Variants in WDR27 observed in about 807,000 individuals in gnomAD.
WDR27 encodes WD repeat-containing protein 27.
In WDR27, 100 loss-of-function variants were observed where a neutral mutation model predicts 114.4. That is an observed-to-expected ratio of 0.87 (90% CI 0.74 to 1.03). WDR27 has a LOEUF of 1.03. Ranked by LOEUF, WDR27 falls within the 50% of genes least tolerant of loss-of-function variation. The probability of loss-of-function intolerance (pLI) is 0.00; values close to 1 mark genes in which losing one functional copy is unlikely to be tolerated. For missense variants in WDR27, 1,129 were observed against 1,092.9 expected, an observed-to-expected ratio of 1.03 and a Z score of -0.47; for synonymous variants, 449 against 423.1, an observed-to-expected ratio of 1.06 and a Z score of -0.75.
chr6:169,497,820 C>T (rs2115464567), intron 25 of WDR27, among the ~76,000 whole-genome samples: 1 of 152,198 alleles, frequency 6.6e-6, no homozygotes, highest in South Asian at 2.1e-4. Context: ...AATGGTACAG[C>T]TGCTGTGGAA....
intron 1 of WDR27, among the ~76,000 whole-genome samples, chr6:169,695,827 A>G (rs1447997473): frequency 2.6e-5 from 4 of 152,114 alleles, no homozygotes; most frequent in Non-Finnish European, 5.9e-5. Context: ...TTCCTTAACT[A>G]AGCTAGAGAG....
chr6:169,689,181 T>C (rs1232128791), intron 1 of WDR27, 169 bp from the exon 2 acceptor site: 3 of 481,724 alleles, frequency 6.2e-6, no homozygotes, highest in African/African-American at 4.0e-5. Flanking sequence ...TGCCGAAAAC[T>C]CTGGAGCTTC....
chr6:169,502,307 G>A (rs373477555), intron 25 of WDR27, among the ~76,000 whole-genome samples: 2 of 152,328 alleles, frequency 1.3e-5, no homozygotes, highest in South Asian at 2.1e-4. Context: ...GCGTCCCTCT[G>A]AAAGATTCCC....
At chr6:169,661,846 G>A (rs1285258138) in intron 9 of WDR27, among the ~76,000 whole-genome samples, 1 of 152,230 alleles carries the variant, frequency 6.6e-6, no homozygotes, top group African/African-American at 2.4e-5. Context: ...AAACATAATT[G>A]TAATATATTC....
At chr6:169,646,930 A>C (rs1400552978) in intron 16 of WDR27, among the ~76,000 whole-genome samples, 1 of 152,188 alleles carries the variant, frequency 6.6e-6, no homozygotes, top group Non-Finnish European at 1.5e-5. Context: ...TTATATAATA[A>C]AATAAAGGGA....
intron 3 of WDR27, 58 bp from the exon 4 acceptor site, chr6:169,670,751 T>C (rs754676075): frequency 3.6e-5 from 58 of 1,596,372 alleles, no homozygotes; most frequent in Non-Finnish European, 4.8e-5. Flanking sequence ...ATTACATTAA[T>C]CTGAGAAAAG....
chr6:169,498,496 G>T (rs1562496261), intron 25 of WDR27, among the ~76,000 whole-genome samples: 2 of 152,142 alleles, frequency 1.3e-5, no homozygotes, highest in Non-Finnish European at 2.9e-5. Flanking sequence ...ATAGATCAGG[G>T]ACTTAAATGT....
chr6:169,501,198 A>C (rs1791178866), intron 25 of WDR27, among the ~76,000 whole-genome samples: 2 of 152,204 alleles, frequency 1.3e-5, no homozygotes, highest in South Asian at 4.1e-4. Flanking sequence ...AAGTTTCCCA[A>C]GTGGGCTGGA....
chr6:169,576,300 T>C (rs1009109904), intron 24 of WDR27, among the ~76,000 whole-genome samples: 4 of 152,224 alleles, frequency 2.6e-5, no homozygotes, highest in African/African-American at 9.6e-5. Context: ...CCTTGCCCCA[T>C]GGCAGCCAGC....
chr6:169,490,386 A>G (rs1287581635), intron 25 of WDR27, among the ~76,000 whole-genome samples: 2 of 152,238 alleles, frequency 1.3e-5, no homozygotes, highest in African/African-American at 4.8e-5. Context: ...ATGACAAACT[A>G]TTCTTGTAAC....
At chr6:169,443,388 C>T in the WDR27 span, among the ~76,000 whole-genome samples, 1 of 151,818 alleles carries the variant, frequency 6.6e-6, no homozygotes, top group Admixed American at 6.6e-5. Context: ...CTTTGATAGG[C>T]ATGTTTTCTA....
At chr6:169,502,326 T>C (rs1334313616) in intron 25 of WDR27, among the ~76,000 whole-genome samples, 1 of 152,216 alleles carries the variant, frequency 6.6e-6, no homozygotes. Flanking sequence ...CCCCGGAAGC[T>C]GAAGGGCGAT....
intron 21 of WDR27, among the ~76,000 whole-genome samples, chr6:169,623,129 G>A (rs1272047091): frequency 6.6e-6 from 1 of 151,622 alleles, no homozygotes; most frequent in Non-Finnish European, 1.5e-5. Context: ...GAGATATTTT[G>A]CATACCCTGC....
chr6:169,600,499 G>T (rs781756330), intron 23 of WDR27, among the ~76,000 whole-genome samples: 15 of 152,146 alleles, frequency 9.9e-5, no homozygotes, highest in Admixed American at 2.0e-4. Flanking sequence ...GAAGGCTTCG[G>T]ACGATCAAAC....
chr6:169,634,774 CCTT>C (rs1162248890), intron 19 of WDR27, among the ~76,000 whole-genome samples: 2 of 152,186 alleles, frequency 1.3e-5, no homozygotes, highest in Non-Finnish European at 2.9e-5. Flanking sequence ...ACGCCGTCCT[CCTT>C]CTTCAGCCTG....
chr6:169,527,869 A>G (rs1795129142), intron 25 of WDR27, among the ~76,000 whole-genome samples: 1 of 152,200 alleles, frequency 6.6e-6, no homozygotes, highest in Admixed American at 6.5e-5. Context: ...TATTTATTGT[A>G]AAGCTACATA....
intron 25 of WDR27, among the ~76,000 whole-genome samples, chr6:169,545,724 TAAA>T (rs1405236988): frequency 1.3e-5 from 2 of 152,014 alleles, no homozygotes; most frequent in East Asian, 3.9e-4. Context: ...GTCAAGAGGA[TAAA>T]AAGGTGAAAA....
chr6:169,631,147 C>G (rs927146724), intron 21 of WDR27, among the ~76,000 whole-genome samples: 1 of 152,144 alleles, frequency 6.6e-6, no homozygotes, highest in Admixed American at 6.5e-5. Context: ...ATTCACACTT[C>G]GTTTGTGAAG....
chr6:169,679,520 TGCC>T (rs1432787109), intron 2 of WDR27, among the ~76,000 whole-genome samples: 2 of 152,168 alleles, frequency 1.3e-5, no homozygotes, highest in African/African-American at 4.8e-5. Flanking sequence ...GTTTGGGTCA[TGCC>T]GGCTGATCCC....
Sources: gnomAD v4.1 joint callset for allele counts (sites outside exome capture counted in the v4.1 genomes callset) on GRCh38, gnomAD v4.1.1 for gene constraint, MANE v1.5 for transcripts, NCBI Gene and HGNC (gene_info 2026-07-23, HGNC 2026-07-21) for gene names.